The following SRSF4 variants were observed in gnomAD, a reference collection of about 807,000 sequenced individuals.
SRSF4 encodes the protein serine/arginine-rich splicing factor 4.
Under a neutral mutation model 48.8 loss-of-function variants are expected in SRSF4, and 12 were observed. The observed-to-expected ratio is 0.25, with a 90% CI of 0.16 to 0.40. SRSF4 has a LOEUF of 0.40. Ranked by LOEUF, SRSF4 falls within the 10% of genes least tolerant of loss-of-function variation. SRSF4 has a pLI of 1.00. For synonymous variants in SRSF4, 248 were observed against 232.5 expected, an observed-to-expected ratio of 1.07 and a Z score of -0.61; for missense variants, 466 against 667.1, an observed-to-expected ratio of 0.70 and a Z score of 3.32.
At chr1:29,158,273 C>T (rs1270927781) in intron 3 of SRSF4, among the ~76,000 whole-genome samples, 1 of 151,948 alleles carries the variant, frequency 6.6e-6, no homozygotes, top group African/African-American at 2.4e-5. Flanking sequence ...CCATCAAAAA[C>T]CTTATGAAAA....
At chr1:29,181,573 C>G in intron 1 of SRSF4, 73 bp downstream of exon 1, 1 of 1,329,202 alleles carries the variant, frequency 7.5e-7, no homozygotes, top group East Asian at 2.8e-5. Context: ...GCGTCCCTCT[C>G]CCGTCCCCGC....
intron 1 of SRSF4, among the ~76,000 whole-genome samples, chr1:29,176,906 T>G (rs540237285): frequency 3.3e-5 from 5 of 152,108 alleles, no homozygotes; most frequent in Admixed American, 1.3e-4. Flanking sequence ...CCCTTGAGAG[T>G]TTTAATTCAT....
At position 29,149,128 on chromosome 1, in the gene SRSF4, C is replaced by A; in HGVS notation, c.767G>T (p.Arg256Leu). The change falls in exon 6 of 6, where the codon CGC becomes CTC. Residue 256 changes from arginine (R) to leucine (L), a missense_variant. Physicochemically the swap from Arg to Leu is moderately radical, Grantham distance 102. Around this residue, in one of 2 missense-constraint regions of SRSF4, gnomAD observed 402 missense variants for 437.0 expected, o/e 0.92. Coordinates refer to ENST00000373795, the MANE Select transcript of SRSF4 (RefSeq NM_005626.5). Reference protein sequence around the residue: ...KSRSPSKEKSRSRSHSAGKSR... With the variant: ...KSRSPSKEKSLSRSHSAGKSR... ...CTTGCCAGCGCTATGGCTGCGGCTG[C>A]GGCTCTTTTCCTTGCTGGGGCTCCT... 6.2e-7 allele frequency: 1 copy of A among 1,608,082 alleles called. No homozygotes were observed. Among genetic ancestry groups the A allele is most frequent in the Non-Finnish European group, 8.5e-7 (1 of 1,175,482 alleles).
At position 29,149,279 on chromosome 1, in the gene SRSF4, G is replaced by A. The variant is rs535712601; in HGVS notation, c.669-53C>T. ...TCACATGTGACTTCATGCTAATCAG[G>A]AGATAAAAAGACCAAAGGGCATACA... On this transcript the variant is annotated intron_variant, in intron 5 of 5. Coordinates refer to ENST00000373795, the MANE Select transcript of SRSF4 (RefSeq NM_005626.5). 3.2e-6 allele frequency: 5 copies of A among 1,575,302 alleles called. No individual in the cohort carries two copies. The East Asian group carries it at 1.1e-4, about 35-fold the overall frequency.
chr1:29,154,270 G>T (rs1672464465), intron 4 of SRSF4, among the ~76,000 whole-genome samples: 1 of 151,866 alleles, frequency 6.6e-6, no homozygotes, highest in Non-Finnish European at 1.5e-5. Context: ...TCGCCATGTT[G>T]GCCAGGCTGG....
At chr1:29,175,328 G>A (rs969005686) in intron 1 of SRSF4, among the ~76,000 whole-genome samples, 6 of 151,644 alleles carry the variant, frequency 4.0e-5, no homozygotes, top group Admixed American at 3.3e-4. Flanking sequence ...CAGCAGAATC[G>A]CTTGTACCTG....
chr1:29,181,246 C>T (rs1672950756), intron 1 of SRSF4, among the ~76,000 whole-genome samples: 1 of 152,212 alleles, frequency 6.6e-6, no homozygotes, highest in Admixed American at 6.5e-5. Context: ...AGCAGGAAAT[C>T]CTGTTTATTT....
intron 3 of SRSF4, among the ~76,000 whole-genome samples, chr1:29,155,121 T>C (rs527741919): frequency 6.6e-6 from 1 of 152,240 alleles, no homozygotes; most frequent in South Asian, 2.1e-4. Context: ...AAATACACAT[T>C]AAATTGTTCC....
At chr1:29,152,731 C>T (rs902864906) in intron 4 of SRSF4, among the ~76,000 whole-genome samples, 5 of 152,008 alleles carry the variant, frequency 3.3e-5, no homozygotes, top group African/African-American at 7.2e-5. Flanking sequence ...CCAGTCTGCC[C>T]AACATGGTGA....
In SRSF4 at chr1:29,181,744, C is replaced by A. The variant is rs1478602698; in HGVS notation, c.9G>T (p.Arg3=). MP[R]VYIGRLSYQA... ...GGTAGCTCAGGCGGCCGATGTACAC[C>A]CGCGGCATCCCGGCAACGGCAGTGA... Residue 3 remains arginine (R), a synonymous_variant, in exon 1 of 6, where the codon CGG becomes CGT. Coordinates refer to ENST00000373795, the MANE Select transcript of SRSF4 (RefSeq NM_005626.5). 1 of 1,580,434 alleles carries A rather than the reference C, an allele frequency of 6.3e-7. No homozygotes were observed. The highest frequency in any genetic ancestry group is 8.6e-7 in the Non-Finnish European group (1 of 1,167,432).
At chr1:29,152,675 T>C (rs1298489768) in intron 4 of SRSF4, among the ~76,000 whole-genome samples, 1 of 152,056 alleles carries the variant, frequency 6.6e-6, no homozygotes, top group Admixed American at 6.6e-5. Flanking sequence ...TCCAAGCACT[T>C]TGGAAGGCCG....
chr1:29,154,130 T>C lies in SRSF4; in HGVS notation c.578+566A>G, dbSNP rs142731229. On this transcript the variant is annotated intron_variant, in intron 4 of 5. Coordinates refer to ENST00000373795, the MANE Select transcript of SRSF4 (RefSeq NM_005626.5). ...GTGCAATGGCACAATCTCGGCTCAC[T>C]GCAACCTCTGCCCCTACTGGGTTCA... Among the ~76,000 whole-genome samples, 320 of 152,248 alleles carry C rather than the reference T, an allele frequency of 2.1e-3. 1 individual carries two copies. Among genetic ancestry groups the C allele is most frequent in the Non-Finnish European group, 3.8e-3 (259 of 68,020 alleles).
chr1:29,171,295 G>A (rs1235057735), intron 1 of SRSF4: 1 of 151,374 alleles, frequency 6.6e-6, no homozygotes, highest in African/African-American at 2.4e-5. Flanking sequence ...AGAGACTAAA[G>A]GCTGAACAAG....
chr1:29,177,607 G>C (rs1347369116), intron 1 of SRSF4, among the ~76,000 whole-genome samples: 1 of 151,890 alleles, frequency 6.6e-6, no homozygotes, highest in Admixed American at 6.6e-5. Context: ...GAAGTTTATG[G>C]GGCGGGTAGA....
At chr1:29,158,980 G>T (rs775329077) in intron 3 of SRSF4, among the ~76,000 whole-genome samples, 1 of 152,136 alleles carries the variant, frequency 6.6e-6, no homozygotes, top group Non-Finnish European at 1.5e-5. Flanking sequence ...GGTGGCGGGT[G>T]CCTGTAATCC....
At chr1:29,166,437 C>T (rs915091682) in intron 1 of SRSF4, among the ~76,000 whole-genome samples, 5 of 152,170 alleles carry the variant, frequency 3.3e-5, no homozygotes, top group African/African-American at 9.7e-5. Context: ...GTAACTGCCC[C>T]GATTCCAAAG....
chr1:29,164,158 T>A (rs1295833127), intron 1 of SRSF4, among the ~76,000 whole-genome samples: 1 of 152,284 alleles, frequency 6.6e-6, no homozygotes, highest in African/African-American at 2.4e-5. Flanking sequence ...GCTTCAAAAA[T>A]GGAAAATTTA....
intron 1 of SRSF4, among the ~76,000 whole-genome samples, chr1:29,177,473 G>A (rs1306881815): frequency 6.6e-6 from 1 of 152,062 alleles, no homozygotes; most frequent in African/African-American, 2.4e-5. Context: ...TAGAGACAGG[G>A]GTTTCTCCAT....
chr1:29,178,562 T>G (rs1199581270), intron 1 of SRSF4, among the ~76,000 whole-genome samples: 3 of 151,888 alleles, frequency 2.0e-5, no homozygotes, highest in Admixed American at 2.0e-4. Context: ...TTCACCATCT[T>G]AACCAGGATG....
Sources: allele counts gnomAD v4.1 joint callset (sites outside exome capture counted in the v4.1 genomes callset), GRCh38; gene constraint gnomAD v4.1.1; regional missense constraint gnomAD v4.1.1; transcripts MANE v1.5; gene names NCBI Gene and HGNC (gene_info 2026-07-23, HGNC 2026-07-21).